Variants in KCTD13 observed in about 807,000 individuals in gnomAD.
The protein encoded by KCTD13 is potassium channel tetramerization domain containing 13, also known as BTB/POZ domain-containing adapter for CUL3-mediated RhoA degradation protein 1.
A neutral mutation model predicts 32.3 loss-of-function variants in KCTD13; 15 were observed. The observed-to-expected ratio is 0.46, with a 90% confidence interval of 0.31 to 0.71. The LOEUF is 0.71. Ranked by LOEUF, KCTD13 falls within the 30% of genes least tolerant of loss-of-function variation. The pLI is 0.05. For synonymous variants in KCTD13, 189 were observed against 200.1 expected, an observed-to-expected ratio of 0.94 and a Z score of 0.47; for missense variants, 337 against 452.6, an observed-to-expected ratio of 0.74 and a Z score of 2.32.
At chr16:29,923,016 G>A in intron 2 of KCTD13, 174 bp downstream of exon 2, 1 of 640,404 alleles carries the variant, frequency 1.6e-6, no homozygotes, top group Non-Finnish European at 2.7e-6. Flanking sequence ...GCTGGGGTGG[G>A]GGTGCTGCCT....
In KCTD13 at chr16:29,911,084, A is replaced by G; in HGVS notation, c.647T>C (p.Val216Ala). 6.2e-7 allele frequency: 1 copy of G among 1,614,178 alleles called. No individual in the cohort carries two copies. The highest frequency in any genetic ancestry group is 8.5e-7 in the Non-Finnish European group (1 of 1,180,014). ...FHGRLLFLKD[V>A]LGDEICCWSF... ...CCAGCAGCAGATCTCGTCCCCCAGG[A>G]CATCCTTGAGGAAGAGTAGCCGCCC... Residue 216 changes from valine (V) to alanine (A), a missense_variant, in exon 5 of 6, where the codon GTC becomes GCC. Val to Ala is a moderately conservative substitution (Grantham distance 64). Transcript: ENST00000568000.
intron 2 of KCTD13, chr16:29,914,864 G>C (rs932286241): frequency 6.6e-6 from 1 of 152,194 alleles, no homozygotes; most frequent in East Asian, 1.9e-4. Context: ...AGGGGAAGCC[G>C]GGCGTGGTAG....
intron 1 of KCTD13, 99 bp from the exon 2 acceptor site, chr16:29,923,458 T>C: frequency 9.7e-7 from 1 of 1,026,680 alleles, no homozygotes; most frequent in South Asian, 1.6e-5. Context: ...AGTCTCACTA[T>C]GTTGCCCAGG....
At chr16:29,918,952 C>G (rs1379843490) in intron 2 of KCTD13, among the ~76,000 whole-genome samples, 1 of 152,184 alleles carries the variant, frequency 6.6e-6, no homozygotes. Flanking sequence ...GCCACCGCAC[C>G]TGGCATAATT....
At chr16:29,913,010 T>C (rs146915872) in intron 2 of KCTD13, 1 of 152,306 alleles carries the variant, frequency 6.6e-6, no homozygotes, top group Non-Finnish European at 1.5e-5. Context: ...CTCCCAACCT[T>C]GAAAACTCAA....
chr16:29,923,894 G>T (rs1167335486), intron 1 of KCTD13, among the ~76,000 whole-genome samples: 1 of 150,796 alleles, frequency 6.6e-6, no homozygotes, highest in Non-Finnish European at 1.5e-5. Flanking sequence ...AGAAAAGAAG[G>T]CCGGGCACGG....
chr16:29,911,204 G>A (rs532407603), intron 4 of KCTD13, 31 bp from the exon 5 acceptor site: 61 of 1,570,964 alleles, frequency 3.9e-5, no homozygotes, highest in South Asian at 3.0e-4. Flanking sequence ...AGGCCTCAGC[G>A]CAGTTGGCAC....
chr16:29,916,025 G>A (rs1468725029), intron 2 of KCTD13, among the ~76,000 whole-genome samples: 1 of 152,026 alleles, frequency 6.6e-6, no homozygotes, highest in Non-Finnish European at 1.5e-5. Flanking sequence ...GAAGCCAGGT[G>A]GCACCTTCAA....
At position 29,911,788 on chromosome 16, in the gene KCTD13, C is replaced by T. The variant is rs988016113; in HGVS notation, c.557+27G>A. 6 of 1,611,460 alleles carry T rather than the reference C, an allele frequency of 3.7e-6. No individual in the cohort carries two copies. The South Asian group carries it at 6.6e-5, about 18-fold the overall frequency. ...GGCTGTGCTGCATCCCAGGGTCCCG[C>T]CCAGTGCCCCGCACCCCGGCGGTCA... On this transcript the variant is annotated intron_variant, in intron 4 of 5. Coordinates refer to ENST00000568000, the MANE Select transcript of KCTD13 (RefSeq NM_178863.5).
intron 2 of KCTD13, chr16:29,921,737 A>T (rs943271475): frequency 1.1e-4 from 17 of 152,286 alleles, no homozygotes; most frequent in African/African-American, 3.9e-4. Flanking sequence ...TGGGGGGCCA[A>T]GGCGGATGGA....
intron 5 of KCTD13, among the ~76,000 whole-genome samples, chr16:29,909,418 A>G (rs2068666911): frequency 6.6e-6 from 1 of 152,136 alleles, no homozygotes; most frequent in African/African-American, 2.4e-5. Context: ...GTGCTTAGAG[A>G]CTTGTGATGA....
chr16:29,910,861 C>T, intron 5 of KCTD13, 117 bp downstream of exon 5: 1 of 896,286 alleles, frequency 1.1e-6, no homozygotes. Context: ...CCCCAGACCC[C>T]AGGATCTGGC....
chr16:29,923,219 G>C lies in KCTD13; in HGVS notation c.385C>G (p.Leu129Val). ...GEARYYLVQG[L>V]IEDCQLALQQ... ...AGCGCCAGCTGGCAGTCCTCAATCAGGCCCTGCACCAGGTAGTAGCGTGCT... is the reference window on the plus strand; with the variant it reads ...AGCGCCAGCTGGCAGTCCTCAATCACGCCCTGCACCAGGTAGTAGCGTGCT... The change falls in exon 2 of 6, where the codon CTG becomes GTG. Residue 129 changes from leucine to valine, a missense_variant. Physicochemically the swap from Leu to Val is conservative, Grantham distance 32 (BLOSUM62 1). Coordinates refer to ENST00000568000, the MANE Select transcript of KCTD13 (RefSeq NM_178863.5). 6.2e-7 allele frequency: 1 copy of C among 1,614,222 alleles called. No homozygotes were observed. Among genetic ancestry groups the C allele is most frequent in the Non-Finnish European group, 8.5e-7 (1 of 1,180,036 alleles).
chr16:29,926,020 G>C lies in KCTD13; in HGVS notation c.14C>G (p.Ala5Gly), dbSNP rs765969335. Residue 5 changes from alanine to glycine, a missense_variant, in exon 1 of 6, where the codon GCC becomes GGC. By Grantham distance (60) the Ala-to-Gly change is moderately conservative (BLOSUM62 0). Coordinates refer to ENST00000568000, the MANE Select transcript of KCTD13 (RefSeq NM_178863.5). Reference sequence around the variant, plus strand: ...GGCCGCGGCGGCAGCCGGGCCCGAGGCCTCCGCCGACATGCCGGGTAGCAG... The same window carrying C: ...GGCCGCGGCGGCAGCCGGGCCCGAGCCCTCCGCCGACATGCCGGGTAGCAG... MSAE[A>G]SGPAAAAAPS... 1 of 1,538,676 alleles carries C rather than the reference G, an allele frequency of 6.5e-7. No individual in the cohort carries two copies. Among genetic ancestry groups the C allele is most frequent in the Non-Finnish European group, 8.7e-7 (1 of 1,149,332 alleles).
chr16:29,909,533 G>A (rs972515905), intron 5 of KCTD13, among the ~76,000 whole-genome samples: 6 of 152,162 alleles, frequency 3.9e-5, no homozygotes, highest in Admixed American at 2.0e-4. Context: ...TTTCCAGCCC[G>A]GTACAGTACT....
Position 29,926,112 on chromosome 16 carries a change from C to G in KCTD13, c.-79G>C, listed in dbSNP as rs929754260. 9 of 1,415,482 alleles carry G rather than the reference C, an allele frequency of 6.4e-6. No homozygotes were observed. The highest frequency in any genetic ancestry group is 8.3e-6 in the Non-Finnish European group (9 of 1,090,186). The allele number at this position is 1,415,482 out of a possible 1,614,324, so 87.7% of individuals were successfully genotyped here. ...TGCTCCCGAAGACCCTCGGCCGGCC[C>G]CCAGCCCTTGGGCCAGACCGCTCGG... is the stretch of plus-strand genomic sequence containing the variant. On this transcript the variant is annotated 5_prime_UTR_variant, in exon 1 of 6. Transcript: ENST00000568000.
At chr16:29,910,324 G>A (rs2068684251) in intron 5 of KCTD13, among the ~76,000 whole-genome samples, 1 of 152,004 alleles carries the variant, frequency 6.6e-6, no homozygotes, top group African/African-American at 2.4e-5. Context: ...CTTGAACCTG[G>A]GAGGTAGAGG....
At chr16:29,918,307 A>C (rs2068844642) in intron 2 of KCTD13, among the ~76,000 whole-genome samples, 1 of 152,192 alleles carries the variant, frequency 6.6e-6, no homozygotes, top group Non-Finnish European at 1.5e-5. Flanking sequence ...AAATCAAACC[A>C]CCATCCCCTA....
At position 29,923,240 on chromosome 16, in the gene KCTD13, G is replaced by A. The variant is rs2068942587; in HGVS notation, c.364C>T (p.Arg122Cys). 5 of 1,614,066 alleles carry A rather than the reference G, an allele frequency of 3.1e-6. No homozygotes were observed. The highest frequency in any genetic ancestry group is 1.3e-5 in the African/African-American group (1 of 74,922). Residue 122 changes from arginine (R) to cysteine (C), a missense_variant, in exon 2 of 6, where the codon CGC (arginine) becomes TGC (cysteine). Arg to Cys is a radical substitution (Grantham distance 180, BLOSUM62 -3). This residue lies in a region of KCTD13 where 252 missense variants were observed against 340.2 expected (regional missense o/e 0.74). Transcript: ENST00000568000. Reference protein sequence around the residue: ...RELGELLGEARYYLVQGLIED... With the variant: ...RELGELLGEACYYLVQGLIED... ...ATCAGGCCCTGCACCAGGTAGTAGC[G>A]TGCTTCGCCCAGCAGCTCCCCCAGT...
Sources: gnomAD v4.1 joint callset for allele counts (sites outside exome capture counted in the v4.1 genomes callset) on GRCh38, gnomAD v4.1.1 for gene constraint, gnomAD v4.1.1 regional missense constraint, MANE v1.5 for transcripts, NCBI Gene and HGNC (gene_info 2026-07-23, HGNC 2026-07-21) for gene names.